RNF180: variants seen among roughly 807,000 people sequenced by gnomAD.
RNF180 encodes the protein E3 ubiquitin-protein ligase RNF180.
RNF180 carries 38 observed loss-of-function variants against 59.2 expected under a neutral mutation model. The observed-to-expected ratio is 0.64, with a 90% CI of 0.50 to 0.84. The LOEUF (loss-of-function observed/expected upper bound fraction) is 0.84. Among genes scored for constraint, RNF180 ranks in the 40% least tolerant of loss-of-function variants. The pLI is 0.00. For missense variants in RNF180, 705 were observed against 700.9 expected, an observed-to-expected ratio of 1.01 and a Z score of -0.07; for synonymous variants, 262 against 240.3, an observed-to-expected ratio of 1.09 and a Z score of -0.84.
At chr5:64,171,735 A>G (rs531613531) in intron 1 of RNF180, among the ~76,000 whole-genome samples, 6 of 152,320 alleles carry the variant, frequency 3.9e-5, no homozygotes, top group African/African-American at 1.4e-4. Flanking sequence ...TGACCTTTGG[A>G]GTACCAAGTG....
chr5:64,333,595 C>G (rs1008104789), intron 7 of RNF180, among the ~76,000 whole-genome samples: 2 of 151,176 alleles, frequency 1.3e-5, no homozygotes, highest in Non-Finnish European at 1.5e-5. Context: ...TTCTTCAAAA[C>G]AGTCCCTTGT....
chr5:64,188,692 A>G (rs190922803), intron 1 of RNF180, among the ~76,000 whole-genome samples: 6 of 151,950 alleles, frequency 3.9e-5, no homozygotes, highest in Non-Finnish European at 8.8e-5. Flanking sequence ...CAGGATTTTT[A>G]CCCTTTGAGA....
At chr5:64,340,358 A>C (rs1354658816) in intron 7 of RNF180, among the ~76,000 whole-genome samples, 1 of 152,210 alleles carries the variant, frequency 6.6e-6, no homozygotes, top group Non-Finnish European at 1.5e-5. Flanking sequence ...ATTTATGACA[A>C]TCCATCCATT....
intron 7 of RNF180, 49 bp downstream of exon 7, chr5:64,330,455 T>C (rs950570987): frequency 2.0e-6 from 3 of 1,501,864 alleles, no homozygotes; most frequent in Non-Finnish European, 2.7e-6. Flanking sequence ...TTGTCTAAGG[T>C]CTGTTCTTAA....
At chr5:64,171,288 GAATT>G (rs760150069) in intron 1 of RNF180, among the ~76,000 whole-genome samples, 1 of 152,218 alleles carries the variant, frequency 6.6e-6, no homozygotes, top group African/African-American at 2.4e-5. Flanking sequence ...AGTAGAGCAT[GAATT>G]AACTGTCCAG....
At chr5:64,171,397 T>C (rs900042622) in intron 1 of RNF180, among the ~76,000 whole-genome samples, 5 of 152,188 alleles carry the variant, frequency 3.3e-5, no homozygotes, top group Non-Finnish European at 7.3e-5. Context: ...GTAAGGGCAT[T>C]GTCAGCCTTT....
chr5:64,192,962 AAAG>A (rs1171708002), intron 1 of RNF180, among the ~76,000 whole-genome samples: 1 of 140,638 alleles, frequency 7.1e-6, no homozygotes, highest in Non-Finnish European at 1.5e-5. Context: ...CAGCATCGAA[AAAG>A]AAGGCAATCC....
Position 64,214,418 on chromosome 5 carries a change from A to G in RNF180, c.1092A>G (p.Ser364=), listed in dbSNP as rs950092300. The change falls in exon 4 of 8, where the codon TCA becomes TCG. Residue 364 remains serine, a synonymous_variant. Coordinates refer to ENST00000389100, the MANE Select transcript of RNF180 (RefSeq NM_001113561.2). ...ACTTCCTGCACTCAGCCAATTTTTC[A>G]TTGGGCAGCATTAATCAGAGGCTTA... is the stretch of plus-strand genomic sequence containing the variant. ...PLDFLHSANF[S]LGSINQRLNK... 7 of 1,614,040 alleles carry G rather than the reference A, an allele frequency of 4.3e-6. No homozygotes were observed. The highest frequency in any genetic ancestry group is 3.3e-4 in the Middle Eastern group (2 of 6,062).
chr5:64,237,064 C>A (rs1018583523), intron 5 of RNF180, among the ~76,000 whole-genome samples: 2 of 152,180 alleles, frequency 1.3e-5, no homozygotes, highest in African/African-American at 4.8e-5. Context: ...TGGAGCACTG[C>A]CTAGGGGAAC....
intron 5 of RNF180, among the ~76,000 whole-genome samples, chr5:64,262,363 A>G (rs1300125336): frequency 6.6e-6 from 1 of 152,306 alleles, no homozygotes; most frequent in African/African-American, 2.4e-5. Flanking sequence ...TCATCTATGC[A>G]CTGGGCACTG....
intron 5 of RNF180, among the ~76,000 whole-genome samples, chr5:64,269,327 T>A (rs767828747): frequency 5.3e-5 from 8 of 152,130 alleles, no homozygotes; most frequent in Non-Finnish European, 7.3e-5. Context: ...AGCCTCGAAC[T>A]CCTGGGCCCA....
At chr5:64,175,607 G>A (rs965357533) in intron 1 of RNF180, among the ~76,000 whole-genome samples, 5 of 152,026 alleles carry the variant, frequency 3.3e-5, no homozygotes, top group South Asian at 2.1e-4. Flanking sequence ...GGGGTCTTTC[G>A]TGGTTCTGTA....
intron 5 of RNF180, among the ~76,000 whole-genome samples, chr5:64,259,421 A>G (rs1175018733): frequency 6.6e-6 from 1 of 152,120 alleles, no homozygotes; most frequent in Non-Finnish European, 1.5e-5. Flanking sequence ...TGATTTAGAG[A>G]GATTTCCTTA....
chr5:64,230,925 T>C (rs1742064319), intron 5 of RNF180, among the ~76,000 whole-genome samples: 1 of 152,232 alleles, frequency 6.6e-6, no homozygotes, highest in South Asian at 2.1e-4. Flanking sequence ...TAATTATGTA[T>C]CCACCATTAG....
chr5:64,307,183 T>A (rs1382694080), intron 5 of RNF180, among the ~76,000 whole-genome samples: 4 of 149,734 alleles, frequency 2.7e-5, no homozygotes, highest in Non-Finnish European at 5.9e-5. Flanking sequence ...CCATCTAGTA[T>A]AAGACAAGCC....
Position 64,330,237 on chromosome 5 carries a change from C to T in RNF180, c.1454-44C>T, listed in dbSNP as rs769198548. 163 of 1,306,020 alleles carry T rather than the reference C, an allele frequency of 1.2e-4. No individual in the cohort carries two copies. The Middle Eastern group carries it at 2.2e-3, about 18-fold the overall frequency. 80.9% of individuals were successfully genotyped at this position (1,306,020 alleles called of 1,614,324 possible). A position where few individuals can be genotyped will look rare whatever the true frequency, so the allele number is the denominator to read the frequency against. ...CACTTGTCATTTTCTTGCCATTTTA[C>T]TCAAATTAATTTCAAAATCCTATTT... On this transcript the variant is annotated intron_variant, in intron 6 of 7. Coordinates refer to ENST00000389100, the MANE Select transcript of RNF180 (RefSeq NM_001113561.2).
intron 7 of RNF180, among the ~76,000 whole-genome samples, chr5:64,341,966 G>T (rs576401754): frequency 5.8e-4 from 88 of 152,238 alleles, no homozygotes; most frequent in African/African-American, 2.0e-3. Flanking sequence ...CATTTGATCA[G>T]CAGCAGCAAA....
intron 7 of RNF180, among the ~76,000 whole-genome samples, chr5:64,356,251 G>C (rs1032292372): frequency 4.7e-5 from 7 of 150,170 alleles, no homozygotes; most frequent in Non-Finnish European, 1.0e-4. Context: ...GACAGAGTGA[G>C]ACCATCTCAA....
At chr5:64,271,275 C>T (rs969734784) in intron 5 of RNF180, among the ~76,000 whole-genome samples, 2 of 151,856 alleles carry the variant, frequency 1.3e-5, no homozygotes, top group African/African-American at 2.4e-5. Flanking sequence ...TAAACTGAAC[C>T]CTCTTTAATG....
Sources: allele counts gnomAD v4.1 joint callset (sites outside exome capture counted in the v4.1 genomes callset), GRCh38; gene constraint gnomAD v4.1.1; transcripts MANE v1.5; gene names NCBI Gene and HGNC (gene_info 2026-07-23, HGNC 2026-07-21).